NOS1AP: variants seen among roughly 807,000 people sequenced by gnomAD.
NOS1AP encodes the protein carboxyl-terminal PDZ ligand of neuronal nitric oxide synthase protein.
Under a neutral mutation model 56.2 loss-of-function variants are expected in NOS1AP, and 21 were observed. The ratio of observed to expected loss-of-function variants is 0.37; its 90% confidence interval spans 0.26 to 0.54. NOS1AP has a LOEUF of 0.54. Ranked by LOEUF, NOS1AP falls within the 20% of genes least tolerant of loss-of-function variation. NOS1AP has a pLI of 0.84. For missense variants in NOS1AP, 522 were observed against 657.8 expected (o/e 0.79, Z 2.26); for synonymous variants, 270 against 274.6 (o/e 0.98, Z 0.17).
At position 162,334,905 on chromosome 1, in the gene NOS1AP, A is replaced by G. The variant is rs1656889646; in HGVS notation, c.453+1780A>G. 4.6e-5 allele frequency among the ~76,000 whole-genome samples: 7 copies of G among 152,350 alleles called. 1 individual carries two copies. In the South Asian group the frequency reaches 1.4e-3, roughly 32 times the overall value. On this transcript the variant is annotated intron_variant, in intron 5 of 9. Coordinates refer to ENST00000361897, the MANE Select transcript of NOS1AP (RefSeq NM_014697.3). ...CTGGCTAGAATAGAACCAGGGAGAC[A>G]TGCAGGACAAAAGAATTTTGAGCAG...
At chr1:162,199,595 C>CATGT (rs373250205) in intron 2 of NOS1AP, among the ~76,000 whole-genome samples, 1 of 131,590 alleles carries the variant, frequency 7.6e-6, no homozygotes, top group East Asian at 2.3e-4. Context: ...GCATGGATTG[C>CATGT]GTGTGTGTGT....
chr1:162,160,671 T>C (rs1290506861), intron 2 of NOS1AP, among the ~76,000 whole-genome samples: 1 of 152,192 alleles, frequency 6.6e-6, no homozygotes, highest in Non-Finnish European at 1.5e-5. Flanking sequence ...GTGGCCCCCC[T>C]CAGCACCATT....
chr1:162,125,815 C>A (rs2225845), intron 1 of NOS1AP, among the ~76,000 whole-genome samples: 85,234 of 151,862 alleles, frequency 0.56, 24,549 homozygotes, highest in Non-Finnish European at 0.63. Context: ...GAAAAACTAT[C>A]TTGATATTTT....
intron 1 of NOS1AP, among the ~76,000 whole-genome samples, chr1:162,137,680 A>T (rs568360011): frequency 6.6e-6 from 1 of 151,992 alleles, no homozygotes; most frequent in South Asian, 2.1e-4. Context: ...TGTCTGACGG[A>T]TGAAAAAACT....
intron 6 of NOS1AP, among the ~76,000 whole-genome samples, chr1:162,354,125 T>C (rs1365513346): frequency 6.6e-6 from 1 of 152,206 alleles, no homozygotes; most frequent in African/African-American, 2.4e-5. Context: ...TAGAACAATT[T>C]GTTCTACAAG....
rs35637289 is a variant in NOS1AP at position 162,255,490 on chromosome 1, A to ATTTTT, written c.178-31823_178-31819dup. ...ATGCATAGGTTATTTGCTGCTGCTG[A>ATTTTT]TTTTTTTTTTTTTTTTTTTTTTTTT... is the stretch of plus-strand genomic sequence containing the variant. On this transcript the variant is annotated intron_variant, in intron 2 of 9. Transcript: ENST00000361897. Among the ~76,000 whole-genome samples, 72 of 60,970 alleles carry ATTTTT rather than the reference A, an allele frequency of 1.2e-3. 9 individuals are homozygous for ATTTTT. Among genetic ancestry groups the ATTTTT allele is most frequent in the African/African-American group, 1.8e-3 (35 of 19,894 alleles). 40.0% of individuals were successfully genotyped at this position (60,970 alleles called of 152,430 possible).
At chr1:162,106,329 A>C (rs1238821954) in intron 1 of NOS1AP, among the ~76,000 whole-genome samples, 1 of 152,154 alleles carries the variant, frequency 6.6e-6, no homozygotes, top group Non-Finnish European at 1.5e-5. Context: ...TCCCAATGTG[A>C]GAACTCAGAT....
intron 2 of NOS1AP, among the ~76,000 whole-genome samples, chr1:162,269,137 G>A (rs1212738215): frequency 6.6e-6 from 1 of 152,164 alleles, no homozygotes; most frequent in Non-Finnish European, 1.5e-5. Flanking sequence ...TTCTGAGCTG[G>A]CCCTTTCCAT....
At chr1:162,093,122 T>C (rs1188880771) in intron 1 of NOS1AP, among the ~76,000 whole-genome samples, 1 of 152,214 alleles carries the variant, frequency 6.6e-6, no homozygotes, top group African/African-American at 2.4e-5. Context: ...CCAGTAGACC[T>C]AGGCCTCTAG....
At chr1:162,292,102 T>A (rs555293424) in intron 3 of NOS1AP, among the ~76,000 whole-genome samples, 60 of 152,362 alleles carry the variant, frequency 3.9e-4, no homozygotes, top group Non-Finnish European at 7.2e-4. Context: ...CAAATATTCA[T>A]TGTGTGTCTA....
chr1:162,333,360 G>T (rs910543996), intron 5 of NOS1AP, among the ~76,000 whole-genome samples: 1 of 152,220 alleles, frequency 6.6e-6, no homozygotes, highest in Admixed American at 6.5e-5. Context: ...CGTGCTCTGG[G>T]ATGAGAGCAG....
intron 4 of NOS1AP, among the ~76,000 whole-genome samples, chr1:162,318,428 G>C (rs559734480): frequency 6.6e-6 from 1 of 152,290 alleles, no homozygotes; most frequent in African/African-American, 2.4e-5. Flanking sequence ...CTCGCTTTCT[G>C]TCTGCATCTT....
At chr1:162,134,126 C>CT (rs1229503762) in intron 1 of NOS1AP, among the ~76,000 whole-genome samples, 1 of 152,050 alleles carries the variant, frequency 6.6e-6, no homozygotes, top group Non-Finnish European at 1.5e-5. Context: ...AGCTAAGACA[C>CT]TATTTATGCT....
chr1:162,342,752 G>C (rs1657150563), intron 5 of NOS1AP: 1 of 374,578 alleles, frequency 2.7e-6, no homozygotes, highest in Non-Finnish European at 5.4e-6. Flanking sequence ...GGGTGGGTGG[G>C]AGGTGGATGT....
At chr1:162,362,821 C>G (rs1657948928) in intron 8 of NOS1AP, among the ~76,000 whole-genome samples, 1 of 152,182 alleles carries the variant, frequency 6.6e-6, no homozygotes, top group South Asian at 2.1e-4. Context: ...GGACCCCCAG[C>G]TGAAATTTCT....
At chr1:162,217,432 T>G (rs939775728) in intron 2 of NOS1AP, among the ~76,000 whole-genome samples, 33 of 151,592 alleles carry the variant, frequency 2.2e-4, no homozygotes, top group Admixed American at 1.1e-3. Context: ...CCCAGCTAAT[T>G]TTTTTGTACT....
chr1:162,108,420 C>T (rs1431651875), intron 1 of NOS1AP, among the ~76,000 whole-genome samples: 1 of 152,076 alleles, frequency 6.6e-6, no homozygotes, highest in East Asian at 1.9e-4. Flanking sequence ...AAAAATCAGT[C>T]ACTTTTGCAG....
intron 6 of NOS1AP, among the ~76,000 whole-genome samples, chr1:162,349,587 T>C (rs1307711603): frequency 6.6e-6 from 1 of 152,200 alleles, no homozygotes; most frequent in Non-Finnish European, 1.5e-5. Context: ...ATCTCTCTGG[T>C]ATTGTGAGAG....
At chr1:162,254,849 T>C (rs184705740) in intron 2 of NOS1AP, among the ~76,000 whole-genome samples, 12 of 152,260 alleles carry the variant, frequency 7.9e-5, no homozygotes, top group Admixed American at 7.8e-4. Context: ...TAAGAAAGAT[T>C]GAGGCTTAGA....
Sources: gnomAD v4.1 joint callset for allele counts (sites outside exome capture counted in the v4.1 genomes callset) on GRCh38, gnomAD v4.1.1 for gene constraint, MANE v1.5 for transcripts, NCBI Gene and HGNC (gene_info 2026-07-23, HGNC 2026-07-21) for gene names.